The following PCGF3 variants were observed in gnomAD, a reference collection of about 807,000 sequenced individuals.
PCGF3 encodes the protein polycomb group ring finger 3.
In PCGF3, 7 loss-of-function variants were observed where a neutral mutation model predicts 33.1. That is an observed-to-expected ratio of 0.21 (90% CI 0.12 to 0.40). The LOEUF is 0.40. PCGF3 is among the 10% of genes least tolerant of loss of function. The pLI is 1.00. For synonymous variants in PCGF3, 153 were observed against 121.3 expected, an observed-to-expected ratio of 1.26 and a Z score of -1.72; for missense variants, 211 against 313.3, an observed-to-expected ratio of 0.67 and a Z score of 2.46.
intron 6 of PCGF3, among the ~76,000 whole-genome samples, chr4:738,813 C>T (rs866310090): frequency 4.6e-5 from 7 of 152,072 alleles, no homozygotes; most frequent in South Asian, 4.2e-4. Flanking sequence ...GAGCTGAGAT[C>T]GCGCCACTGC....
intron 1 of PCGF3, among the ~76,000 whole-genome samples, chr4:706,630 C>T (rs1742318401): frequency 7.2e-6 from 1 of 138,808 alleles, no homozygotes; most frequent in Non-Finnish European, 1.6e-5. Flanking sequence ...GGGCCAAGAC[C>T]CCAGACCAGG....
At chr4:763,145 G>A (rs770236285) in intron 9 of PCGF3, among the ~76,000 whole-genome samples, 1 of 152,174 alleles carries the variant, frequency 6.6e-6, no homozygotes, top group Non-Finnish European at 1.5e-5. Flanking sequence ...GACACGGGGG[G>A]AAGGGAGAGA....
intron 10 of PCGF3, among the ~76,000 whole-genome samples, chr4:765,686 G>C (rs528462202): frequency 6.7e-4 from 102 of 152,232 alleles, no homozygotes; most frequent in African/African-American, 2.4e-3. Flanking sequence ...CCTGGGGAGA[G>C]GGGGAGGAGC....
At chr4:716,024 G>T (rs1577396430) in intron 1 of PCGF3, among the ~76,000 whole-genome samples, 3 of 139,312 alleles carry the variant, frequency 2.2e-5, no homozygotes, top group Middle Eastern at 4.0e-3. Context: ...TGTAGACACT[G>T]AGTGTGAGAA....
chr4:750,614 A>T (rs1744469183), intron 8 of PCGF3, among the ~76,000 whole-genome samples: 1 of 151,928 alleles, frequency 6.6e-6, no homozygotes, highest in Non-Finnish European at 1.5e-5. Flanking sequence ...ATGATTTCCT[A>T]TTTGTGAGGC....
exon 7 of PCGF3, chr4:743,562 G>A: frequency 6.8e-6 from 11 of 1,609,122 alleles, no homozygotes; most frequent in East Asian, 4.5e-5. Flanking sequence ...CTGCAAAACA[G>A]CACTTAGATT....
intron 9 of PCGF3, among the ~76,000 whole-genome samples, chr4:764,038 G>T (rs971343448): frequency 6.6e-6 from 1 of 152,198 alleles, no homozygotes; most frequent in African/African-American, 2.4e-5. Flanking sequence ...GCAGGGGCTT[G>T]AGGAGGGTAG....
intron 8 of PCGF3, among the ~76,000 whole-genome samples, chr4:752,968 C>T (rs546546941): frequency 7.2e-5 from 11 of 152,384 alleles, no homozygotes; most frequent in African/African-American, 9.6e-5. Flanking sequence ...CTTCAGTAGG[C>T]TTTGTCCTCT....
chr4:748,497 C>T (rs1744370433), intron 8 of PCGF3, among the ~76,000 whole-genome samples: 1 of 152,164 alleles, frequency 6.6e-6, no homozygotes, highest in African/African-American at 2.4e-5. Flanking sequence ...AGTAACGGAA[C>T]CTTAATTTTT....
chr4:724,141 T>C (rs1171644072), intron 1 of PCGF3: 1 of 152,398 alleles, frequency 6.6e-6, no homozygotes, highest in Non-Finnish European at 1.5e-5. Context: ...CAGATGGTGG[T>C]TGTCAGCCGG....
At chr4:725,484 TGAG>T (rs1340035586) in intron 1 of PCGF3, among the ~76,000 whole-genome samples, 2 of 150,162 alleles carry the variant, frequency 1.3e-5, no homozygotes, top group Non-Finnish European at 2.9e-5. Context: ...CGTGTCCACG[TGAG>T]GAGGGAGTAG....
chr4:765,423 A>G (rs1481331721), intron 10 of PCGF3, among the ~76,000 whole-genome samples: 1 of 118,344 alleles, frequency 8.4e-6, no homozygotes, highest in Non-Finnish European at 1.8e-5. Flanking sequence ...ACAGAGGGAG[A>G]CTCTGTCTCA....
At chr4:766,006 G>GCA in intron 10 of PCGF3, 26 bp from the exon 11 acceptor site, 1 of 1,612,148 alleles carries the variant, frequency 6.2e-7, no homozygotes, top group South Asian at 1.1e-5. Context: ...TGCTAAGCAG[G>GCA]CACTGTGCGT....
intron 9 of PCGF3, among the ~76,000 whole-genome samples, chr4:764,043 G>A (rs1261741600): frequency 6.6e-6 from 1 of 152,190 alleles, no homozygotes; most frequent in Non-Finnish European, 1.5e-5. Context: ...GGCTTGAGGA[G>A]GGTAGTAGGA....
At position 713,301 on chromosome 4, in the gene PCGF3, G is replaced by A. The variant is rs1420932268; in HGVS notation, c.-190+7331G>A. Reference sequence around the variant, plus strand: ...CTGGTGGGGGCTGTGGCCTCATGGGGGCTGTAGCCTTGTGGGTCCTGTGTG... The same window carrying A: ...CTGGTGGGGGCTGTGGCCTCATGGGAGCTGTAGCCTTGTGGGTCCTGTGTG... On this transcript the variant is annotated intron_variant, in intron 1 of 10. Transcript: ENST00000362003. Among the ~76,000 whole-genome samples the A allele has an allele frequency of 1.2e-3, 112 of 96,770 alleles. 4 individuals are homozygous for A. The highest frequency in any genetic ancestry group is 6.4e-3 in the Middle Eastern group (1 of 156). 63.5% of individuals were successfully genotyped at this position (96,770 alleles called of 152,430 possible). A position where few individuals can be genotyped will look rare whatever the true frequency, so the allele number is the denominator to read the frequency against.
chr4:753,440 G>A (rs998753873), intron 8 of PCGF3, among the ~76,000 whole-genome samples: 2 of 151,546 alleles, frequency 1.3e-5, no homozygotes, highest in East Asian at 1.9e-4. Flanking sequence ...GGATCACAAG[G>A]TCAGGAGATC....
chr4:734,252 C>T (rs957869279), intron 4 of PCGF3: 30 of 1,480,646 alleles, frequency 2.0e-5, no homozygotes, highest in Middle Eastern at 2.4e-4. Flanking sequence ...GTGTGGCTAC[C>T]GCTGACGGGC....
At chr4:718,013 G>T (rs1468145523) in intron 1 of PCGF3, among the ~76,000 whole-genome samples, 2 of 152,314 alleles carry the variant, frequency 1.3e-5, no homozygotes, top group Non-Finnish European at 1.5e-5. Context: ...CTGTGTGGGT[G>T]CCGCGTGTCC....
intron 9 of PCGF3, chr4:762,597 A>C (rs771117821): frequency 2.0e-5 from 3 of 152,212 alleles, no homozygotes; most frequent in Non-Finnish European, 4.4e-5. Context: ...GATGCAGCAG[A>C]AGGCCTTCAC....
Sources: allele counts gnomAD v4.1 joint callset (sites outside exome capture counted in the v4.1 genomes callset), GRCh38; gene constraint gnomAD v4.1.1; transcripts MANE v1.5; gene names NCBI Gene and HGNC (gene_info 2026-07-23, HGNC 2026-07-21).